Variants in TMEM131L observed in about 807,000 individuals in gnomAD.
The protein encoded by TMEM131L is transmembrane 131 like.
TMEM131L carries 54 observed loss-of-function variants against 192.2 expected under a neutral mutation model. The observed-to-expected ratio is 0.28, with a 90% CI of 0.23 to 0.35. The LOEUF (loss-of-function observed/expected upper bound fraction) is 0.35. TMEM131L is among the 10% of genes least tolerant of loss of function. The pLI is 1.00. For missense variants in TMEM131L, 1,888 were observed against 1,972.9 expected, an observed-to-expected ratio of 0.96 and a Z score of 0.82; for synonymous variants, 701 against 704.9, an observed-to-expected ratio of 0.99 and a Z score of 0.09.
intron 7 of TMEM131L, among the ~76,000 whole-genome samples, chr4:153,564,698 T>G (rs1638937657): frequency 6.6e-6 from 1 of 152,212 alleles, no homozygotes; most frequent in Admixed American, 6.5e-5. Flanking sequence ...GTTTGTCACT[T>G]GGTTTTCTTC....
chr4:153,568,830 A>G (rs996248814), intron 7 of TMEM131L, among the ~76,000 whole-genome samples: 1 of 152,228 alleles, frequency 6.6e-6, no homozygotes, highest in Admixed American at 6.5e-5. Flanking sequence ...GATATTTAAG[A>G]ATCTGGAGTT....
chr4:153,585,654 C>G (rs192933256), intron 13 of TMEM131L, 43 bp downstream of exon 13: 4 of 1,491,092 alleles, frequency 2.7e-6, no homozygotes, highest in Non-Finnish European at 3.6e-6. Context: ...TTATTTTAAG[C>G]TTTGTTTAAG....
Position 153,622,947 on chromosome 4 carries a change from C to G in TMEM131L, c.3909C>G (p.Ser1303=). The G allele has an allele frequency of 6.2e-7, 1 of 1,614,224 alleles. No homozygotes were observed. The highest frequency in any genetic ancestry group is 8.5e-7 in the Non-Finnish European group (1 of 1,180,042). ...AGAAATGTGTGGACAAGTTCTGCTC[C>G]GATTCCAGCTCTGACTGTGGGAGCT... ...PEKKCVDKFC[S]DSSSDCGSSS... Residue 1303 remains serine, a synonymous_variant, in exon 29 of 35, where the codon TCC becomes TCG. Coordinates refer to ENST00000409959, the MANE Select transcript of TMEM131L (RefSeq NM_001131007.2).
chr4:153,586,323 A>G lies in TMEM131L; in HGVS notation c.1426A>G (p.Thr476Ala), dbSNP rs745785094. The G allele has an allele frequency of 1.9e-6, 3 of 1,604,354 alleles. No homozygotes were observed. The highest frequency in any genetic ancestry group is 1.3e-5 in the African/African-American group (1 of 74,586). Reference sequence around the variant, plus strand: ...TCTATTCACCAATGTATTTTTGACTACAAACATAGGTGCCATTTTTGCAAT... The same window carrying G: ...TCTATTCACCAATGTATTTTTGACTGCAAACATAGGTGCCATTTTTGCAAT... ...INLFTNVFLT[T>A]NIGAIFAIPL... The change falls in exon 14 of 35, where the codon ACA becomes GCA. Residue 476 changes from threonine (T) to alanine (A), a missense_variant. Transcript: ENST00000409959.
intron 7 of TMEM131L, among the ~76,000 whole-genome samples, chr4:153,567,282 G>C (rs1486691129): frequency 1.3e-5 from 2 of 152,178 alleles, no homozygotes; most frequent in African/African-American, 2.4e-5. Context: ...TTTCCTGATA[G>C]TCTTACATAA....
rs1436135050 is a variant in TMEM131L at position 153,636,654 on chromosome 4, AT to A, written c.*80del. The A allele has an allele frequency of 1.4e-6, 2 of 1,386,972 alleles. No individual in the cohort carries two copies. Among genetic ancestry groups the A allele is most frequent in the Admixed American group, 4.4e-5 (2 of 45,490 alleles). The allele number at this position is 1,386,972 out of a possible 1,614,324, so 85.9% of individuals were successfully genotyped here. A position where few individuals can be genotyped will look rare whatever the true frequency, so the allele number is the denominator to read the frequency against. On this transcript the variant is annotated 3_prime_UTR_variant, in exon 35 of 35. Transcript: ENST00000409959. ...TAGTGTAAACTGGTTATTGAGATAG[AT>A]TATGACATTGGTGGATATTTTGGCA...
chr4:153,524,455 A>G (rs79860579), intron 3 of TMEM131L, among the ~76,000 whole-genome samples: 8,876 of 152,184 alleles, frequency 0.058, 346 homozygotes, highest in Non-Finnish European at 0.086. Flanking sequence ...ATATGTTTTA[A>G]TGACTGACAT....
chr4:153,632,941 GCTT>G, intron 32 of TMEM131L, 103 bp downstream of exon 32: 1 of 1,381,164 alleles, frequency 7.2e-7, no homozygotes, highest in Non-Finnish European at 1.0e-6. Context: ...TGAAGGCTAG[GCTT>G]CTTCCTTGGT....
chr4:153,603,428 A>G lies in TMEM131L; in HGVS notation c.2765A>G (p.Asp922Gly), dbSNP rs143401089. The G allele has an allele frequency of 6.2e-7, 1 of 1,613,988 alleles. No homozygotes were observed. The highest frequency in any genetic ancestry group is 8.5e-7 in the Non-Finnish European group (1 of 1,179,936). Residue 922 changes from aspartate to glycine, a missense_variant, in exon 24 of 35, where the codon GAT (aspartate) becomes GGT (glycine). Coordinates refer to ENST00000409959, the MANE Select transcript of TMEM131L (RefSeq NM_001131007.2). ...SSSQQNNGPM[D>G]VISPHSYKSN... The stretch of plus-strand genomic sequence containing the variant: ...TCACAGCAAAACAATGGTCCTATGG[A>G]TGTAATCAGCCCCCATTCTTACAAG...
intron 18 of TMEM131L, among the ~76,000 whole-genome samples, chr4:153,592,999 C>G (rs1186595421): frequency 6.6e-6 from 1 of 152,162 alleles, no homozygotes; most frequent in Admixed American, 6.5e-5. Context: ...ACTAAAATCT[C>G]AAGGATGTTC....
chr4:153,504,291 TTTTTTTG>T (rs1398682098), intron 3 of TMEM131L, among the ~76,000 whole-genome samples: 5 of 111,396 alleles, frequency 4.5e-5, no homozygotes, highest in African/African-American at 2.0e-4. Context: ...TTTTTTTTTT[TTTTTTTG>T]GAGACAGAGT....
intron 16 of TMEM131L, among the ~76,000 whole-genome samples, chr4:153,590,535 G>A (rs919604653): frequency 6.6e-6 from 1 of 152,210 alleles, no homozygotes; most frequent in South Asian, 2.1e-4. Context: ...CGGTATAAAC[G>A]CCCTGTTCCC....
At chr4:153,580,046 A>T (rs1403112363) in intron 7 of TMEM131L, among the ~76,000 whole-genome samples, 1 of 152,170 alleles carries the variant, frequency 6.6e-6, no homozygotes, top group Non-Finnish European at 1.5e-5. Context: ...TATGCCAGAG[A>T]CATTAAACTT....
At chr4:153,479,893 C>T (rs1287944623) in intron 3 of TMEM131L, among the ~76,000 whole-genome samples, 3 of 152,220 alleles carry the variant, frequency 2.0e-5, no homozygotes, top group African/African-American at 4.8e-5. Context: ...GGAACTACTT[C>T]TCACTTTTCT....
chr4:153,635,608 C>T, intron 34 of TMEM131L, 37 bp downstream of exon 34: 1 of 1,610,770 alleles, frequency 6.2e-7, no homozygotes, highest in Non-Finnish European at 8.5e-7. Context: ...AACCCCTGGG[C>T]AGCTCTGAAT....
Position 153,636,662 on chromosome 4 carries a change from A to C in TMEM131L, c.*86A>C. On this transcript the variant is annotated 3_prime_UTR_variant, in exon 35 of 35. Coordinates refer to ENST00000409959, the MANE Select transcript of TMEM131L (RefSeq NM_001131007.2). ...ACTGGTTATTGAGATAGATTATGAC[A>C]TTGGTGGATATTTTGGCACTTTTAT... is the stretch of plus-strand genomic sequence containing the variant. The C allele has an allele frequency of 7.5e-7, 1 of 1,332,970 alleles. No individual in the cohort carries two copies. The highest frequency in any genetic ancestry group is 1.0e-6 in the Non-Finnish European group (1 of 973,476). The allele number at this position is 1,332,970 out of a possible 1,614,324, so 82.6% of individuals were successfully genotyped here.
intron 26 of TMEM131L, among the ~76,000 whole-genome samples, chr4:153,613,764 A>G (rs1732788622): frequency 6.6e-6 from 1 of 152,224 alleles, no homozygotes; most frequent in Admixed American, 6.5e-5. Flanking sequence ...AGGTTTGCAA[A>G]GTAATTAATG....
rs115209785 is a variant in TMEM131L at position 153,557,292 on chromosome 4, A to G, written c.549+210A>G. On this transcript the variant is annotated intron_variant, in intron 6 of 34. Coordinates refer to ENST00000409959, the MANE Select transcript of TMEM131L (RefSeq NM_001131007.2). ...TGGCTTTCCTACTGATGACGGAGCT[A>G]TAGTCCTACTGTGGGTCTTTGGAGG... 4.7e-3 allele frequency among the ~76,000 whole-genome samples: 717 copies of G among 152,328 alleles called. 6 individuals carry two copies. The highest frequency in any genetic ancestry group is 0.016 in the African/African-American group (683 of 41,570).
chr4:153,548,954 A>G (rs1013997053), intron 3 of TMEM131L, among the ~76,000 whole-genome samples: 3 of 151,950 alleles, frequency 2.0e-5, no homozygotes, highest in African/African-American at 7.3e-5. Context: ...GAAAGATTCT[A>G]TTTACTTATT....
Sources: allele counts gnomAD v4.1 joint callset (sites outside exome capture counted in the v4.1 genomes callset), GRCh38; gene constraint gnomAD v4.1.1; transcripts MANE v1.5; gene names NCBI Gene and HGNC (gene_info 2026-07-23, HGNC 2026-07-21).